Variants in ZFR2 observed in about 807,000 individuals in gnomAD.
ZFR2 encodes the protein zinc finger RNA binding protein 2.
A neutral mutation model predicts 105.7 loss-of-function variants in ZFR2; 104 were observed. That is an observed-to-expected ratio of 0.98 (90% CI 0.84 to 1.16). The LOEUF (loss-of-function observed/expected upper bound fraction) is 1.16. Ranked by LOEUF, ZFR2 falls within the 50% of genes most tolerant of loss-of-function variation. The pLI, the probability that ZFR2 is intolerant of heterozygous loss-of-function variation, is 0.00. For missense variants in ZFR2, 1,425 were observed against 1,355.5 expected (o/e 1.05, Z -0.80); for synonymous variants, 634 against 597.7 (o/e 1.06, Z -0.89).
At chr19:3,851,250 AT>A (rs1217865597) in intron 1 of ZFR2, among the ~76,000 whole-genome samples, 77 of 152,146 alleles carry the variant, frequency 5.1e-4, no homozygotes, top group African/African-American at 1.9e-3. Flanking sequence ...CACATGCGCC[AT>A]CATGTCACCG....
rs1205224334 is a variant in ZFR2 at position 3,810,732 on chromosome 19, C to T, written c.2433+18G>A. ...TGGGGGTCCCAGTGGAGGGCCGGGC[C>T]GCCAGGCACTGCCTTACCCAGGCTG... On this transcript the variant is annotated intron_variant, in intron 16 of 18. Transcript: ENST00000262961. 49 of 1,544,924 alleles carry T rather than the reference C, an allele frequency of 3.2e-5. No homozygotes were observed. The highest frequency in any genetic ancestry group is 4.9e-5 in the East Asian group (2 of 40,704).
intron 1 of ZFR2, among the ~76,000 whole-genome samples, chr19:3,860,496 G>A (rs570223043): frequency 3.9e-5 from 6 of 152,278 alleles, no homozygotes; most frequent in South Asian, 2.1e-4. Context: ...GAGCCTGGGC[G>A]TCGAGTTTCC....
At position 3,866,028 on chromosome 19, in the gene ZFR2, G is replaced by C. The variant is rs528150318; in HGVS notation, c.53+2937C>G. Among the ~76,000 whole-genome samples the C allele has an allele frequency of 8.5e-5, 13 of 152,184 alleles. No homozygotes were observed. In the South Asian group the frequency reaches 2.7e-3, roughly 32 times the overall value. On this transcript the variant is annotated intron_variant, in intron 1 of 18. Coordinates refer to ENST00000262961, the MANE Select transcript of ZFR2 (RefSeq NM_015174.2). ...GGCTAATTTTTGTATTTTTAGGAGAGACAGGGTTTCACCATGTTGGCCAGG... is the reference window on the plus strand; with the variant it reads ...GGCTAATTTTTGTATTTTTAGGAGACACAGGGTTTCACCATGTTGGCCAGG...
intron 1 of ZFR2, among the ~76,000 whole-genome samples, chr19:3,844,609 T>A (rs531040614): frequency 6.6e-5 from 10 of 152,344 alleles, no homozygotes; most frequent in African/African-American, 2.2e-4. Flanking sequence ...CCTCAAGTGA[T>A]CCACCTGCCT....
chr19:3,807,437 C>T (rs2037709455), intron 17 of ZFR2, among the ~76,000 whole-genome samples, 168 bp from the exon 18 acceptor site: 2 of 152,244 alleles, frequency 1.3e-5, no homozygotes, highest in African/African-American at 4.8e-5. Flanking sequence ...TTCAGGGTCT[C>T]ACCCGGGCAC....
At chr19:3,826,004 G>C (rs889143504) in intron 6 of ZFR2, among the ~76,000 whole-genome samples, 2 of 152,016 alleles carry the variant, frequency 1.3e-5, no homozygotes, top group Non-Finnish European at 2.9e-5. Context: ...GCTGTACCCT[G>C]GTACAAGACC....
Position 3,810,842 on chromosome 19 carries a change from G to C in ZFR2, c.2341C>G (p.Arg781Gly), listed in dbSNP as rs770388068. The C allele has an allele frequency of 1.9e-6, 3 of 1,550,094 alleles. No individual in the cohort carries two copies. Among genetic ancestry groups the C allele is most frequent in the Non-Finnish European group, 2.6e-6 (3 of 1,146,734 alleles). The change falls in exon 16 of 19, where the codon CGA becomes GGA. Residue 781 changes from arginine to glycine, a missense_variant. Transcript: ENST00000262961. ...ALRHARWFQA[R>G]ASGLQPCVIV... ...ACGCATGGCTGCAGGCCGCTGGCTC[G>C]AGCCTTCGGGGGAGAAGCACACGGT...
chr19:3,844,016 G>T (rs2038162097), intron 1 of ZFR2, among the ~76,000 whole-genome samples: 1 of 134,228 alleles, frequency 7.5e-6, no homozygotes, highest in African/African-American at 2.9e-5. Context: ...TAGGATGTGG[G>T]GGGGGGGGTG....
rs769144322 is a variant in ZFR2, at chr19:3,806,257, C to T, written c.2644-132G>A. The stretch of plus-strand genomic sequence containing the variant: ...ATCCTGTATCCCTCGAGATAGCCCC[C>T]GGCCCCCCGCCGCTTTCTTTTTTGA... On this transcript the variant is annotated intron_variant, in intron 18 of 18. Coordinates refer to ENST00000262961, the MANE Select transcript of ZFR2 (RefSeq NM_015174.2). 1.3e-3 allele frequency: 1,322 copies of T among 998,376 alleles called. 1 individual carries two copies. Among genetic ancestry groups the T allele is most frequent in the Middle Eastern group, 2.8e-3 (8 of 2,906 alleles). The allele number at this position is 998,376 out of a possible 1,614,324, so 61.8% of individuals were successfully genotyped here.
At chr19:3,839,134 C>A (rs1209940121) in intron 1 of ZFR2, among the ~76,000 whole-genome samples, 1 of 152,004 alleles carries the variant, frequency 6.6e-6, no homozygotes, top group Non-Finnish European at 1.5e-5. Flanking sequence ...GCAGAAGGGC[C>A]CTATCCATAA....
chr19:3,819,054 T>C lies in ZFR2; in HGVS notation c.1922A>G (p.Asp641Gly), dbSNP rs757391379. 1.2e-6 allele frequency: 2 copies of C among 1,612,266 alleles called. No individual in the cohort carries two copies. The change falls in exon 12 of 19, where the codon GAC becomes GGC. Residue 641 changes from aspartate to glycine, a missense_variant. Coordinates refer to ENST00000262961, the MANE Select transcript of ZFR2 (RefSeq NM_015174.2). ...GGGGATCTCCAATGACCTGCGCTTG[T>C]CACCCTCTTCCTCTCGGCGGCCCCG... Reference protein sequence around the residue: ...EDRGRREEEGDKRSSVAPQTR... With the variant: ...EDRGRREEEGGKRSSVAPQTR...
intron 1 of ZFR2, chr19:3,852,075 G>A (rs1375681882): frequency 7.2e-6 from 2 of 276,984 alleles, no homozygotes; most frequent in Non-Finnish European, 1.4e-5. Context: ...GCTCAGCTGG[G>A]TGCCTCTTCT....
intron 13 of ZFR2, among the ~76,000 whole-genome samples, chr19:3,816,380 G>T (rs1343005331): frequency 1.3e-5 from 2 of 151,650 alleles, no homozygotes; most frequent in Admixed American, 6.6e-5. Flanking sequence ...CACATAGCTG[G>T]AATTACAGGC....
chr19:3,842,377 A>G (rs2038141479), intron 1 of ZFR2, among the ~76,000 whole-genome samples: 1 of 152,130 alleles, frequency 6.6e-6, no homozygotes, highest in Non-Finnish European at 1.5e-5. Flanking sequence ...ATGTTTGGAA[A>G]ATGTTAGACA....
At chr19:3,811,466 T>C (rs570824022) in intron 14 of ZFR2, 100 bp from the exon 15 acceptor site, 3 of 1,123,848 alleles carry the variant, frequency 2.7e-6, no homozygotes, top group South Asian at 1.4e-5. Flanking sequence ...GACGCTTTTT[T>C]TTTTTTGAGA....
chr19:3,868,921 G>T, intron 1 of ZFR2, 44 bp downstream of exon 1: 1 of 1,253,046 alleles, frequency 8.0e-7, no homozygotes, highest in Non-Finnish European at 1.0e-6. Context: ...CGGCCAGGCT[G>T]CAGGGGCCGG....
intron 6 of ZFR2, 70 bp from the exon 7 acceptor site, chr19:3,825,477 G>C: frequency 1.3e-6 from 2 of 1,508,136 alleles, no homozygotes; most frequent in Non-Finnish European, 1.8e-6. Context: ...CAAGAGGCAG[G>C]AAGGGCCTCC....
intron 6 of ZFR2, among the ~76,000 whole-genome samples, chr19:3,825,717 G>A (rs1028996310): frequency 6.6e-6 from 1 of 152,170 alleles, no homozygotes; most frequent in African/African-American, 2.4e-5. Context: ...GGGCTGCCAG[G>A]TGGGGCCGTT....
chr19:3,841,028 G>A (rs540268707), intron 1 of ZFR2, among the ~76,000 whole-genome samples: 6 of 152,280 alleles, frequency 3.9e-5, no homozygotes, highest in East Asian at 1.9e-4. Flanking sequence ...ATGGTGACTC[G>A]GTGCCTTGTT....
Sources: gnomAD v4.1 joint callset for allele counts (sites outside exome capture counted in the v4.1 genomes callset) on GRCh38, gnomAD v4.1.1 for gene constraint, MANE v1.5 for transcripts, NCBI Gene and HGNC (gene_info 2026-07-23, HGNC 2026-07-21) for gene names.